The following LMNTD1 variants were observed in gnomAD, a reference collection of about 807,000 sequenced individuals.
LMNTD1 encodes lamin tail domain containing 1.
In LMNTD1, 35 loss-of-function variants were observed where a neutral mutation model predicts 50.9. That is an observed-to-expected ratio of 0.69 (90% CI 0.53 to 0.91). LMNTD1 has a LOEUF of 0.91. Ranked by LOEUF, LMNTD1 falls within the 40% of genes least tolerant of loss-of-function variation. The pLI, the probability that LMNTD1 is intolerant of heterozygous loss-of-function variation, is 0.00. For synonymous variants in LMNTD1, 153 were observed against 161.9 expected (o/e 0.94, Z 0.42); for missense variants, 470 against 475.5 (o/e 0.99, Z 0.11).
chr12:25,493,334 G>C (rs1230168016), intron 9 of LMNTD1, among the ~76,000 whole-genome samples: 1 of 152,158 alleles, frequency 6.6e-6, no homozygotes, highest in Non-Finnish European at 1.5e-5. Context: ...GCCCTTCACA[G>C]TATATCTCCA....
chr12:25,648,521 C>G (rs769837008), exon 1 of LMNTD1: 1 of 1,551,572 alleles, frequency 6.4e-7, no homozygotes, highest in Non-Finnish European at 8.7e-7. Context: ...CTGGAAACAC[C>G]GATGTCTCCT....
chr12:25,587,320 T>C (rs2136452715), intron 1 of LMNTD1, among the ~76,000 whole-genome samples: 1 of 152,350 alleles, frequency 6.6e-6, no homozygotes, highest in East Asian at 1.9e-4. Context: ...AGAGGTCTAA[T>C]TGGCTCACTG....
intron 8 of LMNTD1, among the ~76,000 whole-genome samples, chr12:25,505,167 A>G (rs962266555): frequency 2.6e-5 from 4 of 151,298 alleles, no homozygotes; most frequent in Non-Finnish European, 5.9e-5. Context: ...GTCTGTTTCC[A>G]TGTCAGTGGG....
At chr12:25,579,553 T>C (rs1222281850) in intron 1 of LMNTD1, among the ~76,000 whole-genome samples, 1 of 152,176 alleles carries the variant, frequency 6.6e-6, no homozygotes, top group African/African-American at 2.4e-5. Flanking sequence ...TTATCTATAA[T>C]AATACTAATT....
chr12:25,578,869 A>G (rs950321224), intron 1 of LMNTD1, among the ~76,000 whole-genome samples: 18 of 152,230 alleles, frequency 1.2e-4, no homozygotes, highest in Non-Finnish European at 2.2e-4. Context: ...ATTAAGTTTT[A>G]AAATACATGT....
intron 9 of LMNTD1, among the ~76,000 whole-genome samples, chr12:25,484,289 G>C (rs1166396260): frequency 1.3e-5 from 2 of 151,858 alleles, no homozygotes; most frequent in East Asian, 1.9e-4. Flanking sequence ...TTAAGAGACA[G>C]GGTCTCTCTA....
intron 1 of LMNTD1, among the ~76,000 whole-genome samples, chr12:25,607,273 C>G (rs1055802326): frequency 6.6e-5 from 10 of 152,168 alleles, no homozygotes; most frequent in African/African-American, 2.4e-4. Flanking sequence ...TTGATCTTTT[C>G]AAAAAACCAG....
chr12:25,610,709 G>C (rs895196530), intron 1 of LMNTD1, among the ~76,000 whole-genome samples: 4 of 152,178 alleles, frequency 2.6e-5, no homozygotes, highest in Non-Finnish European at 5.9e-5. Context: ...GAGTAAAGGA[G>C]ACAACATGGG....
chr12:25,492,463 G>A (rs918215681), intron 9 of LMNTD1, among the ~76,000 whole-genome samples: 1 of 152,152 alleles, frequency 6.6e-6, no homozygotes, highest in African/African-American at 2.4e-5. Flanking sequence ...AACTTGTCAC[G>A]AATATTTTAT....
intron 4 of LMNTD1, among the ~76,000 whole-genome samples, chr12:25,530,273 T>C (rs1019709521): frequency 6.6e-6 from 1 of 152,216 alleles, no homozygotes; most frequent in Non-Finnish European, 1.5e-5. Context: ...AAATACTTCA[T>C]CTATAATGTT....
At chr12:25,625,680 A>G (rs1190601183) in intron 1 of LMNTD1, among the ~76,000 whole-genome samples, 2 of 152,088 alleles carry the variant, frequency 1.3e-5, no homozygotes, top group Admixed American at 1.3e-4. Context: ...GTCATCATCT[A>G]AGTAGAGGAC....
rs540275671 is a variant in LMNTD1, at chr12:25,484,265, G to GT, written c.*23-7806dup. On this transcript the variant is annotated intron_variant, in intron 9 of 9. Transcript: ENST00000458174. ...GCTTCTTGAAGCATTGTTGTTTTTC[G>GT]TTTTTTTGTTGTTTTAAGAGACAGG... Among the ~76,000 whole-genome samples, 239 of 151,744 alleles carry GT rather than the reference G, an allele frequency of 1.6e-3. 1 individual carries two copies. The highest frequency in any genetic ancestry group is 2.4e-3 in the Non-Finnish European group (160 of 67,956).
chr12:25,583,111 T>C (rs1298317077), intron 1 of LMNTD1, among the ~76,000 whole-genome samples: 1 of 150,782 alleles, frequency 6.6e-6, no homozygotes, highest in Non-Finnish European at 1.5e-5. Flanking sequence ...AAGCTCTACC[T>C]CCCGGGTTCA....
At chr12:25,599,576 T>C (rs1170100963) in intron 1 of LMNTD1, among the ~76,000 whole-genome samples, 1 of 152,002 alleles carries the variant, frequency 6.6e-6, no homozygotes, top group Non-Finnish European at 1.5e-5. Flanking sequence ...AAAAAACTAT[T>C]AGAACTGCTA....
chr12:25,488,104 G>A (rs370010219), intron 9 of LMNTD1, among the ~76,000 whole-genome samples: 3 of 147,482 alleles, frequency 2.0e-5, no homozygotes, highest in African/African-American at 7.5e-5. Flanking sequence ...TCTGACAATT[G>A]TGTGTCTTGG....
At chr12:25,577,894 A>G (rs549220093) in intron 1 of LMNTD1, among the ~76,000 whole-genome samples, 27 of 152,168 alleles carry the variant, frequency 1.8e-4, no homozygotes, top group Admixed American at 7.9e-4. Flanking sequence ...TCCCTGTCCT[A>G]TCATGCCCAT....
At position 25,578,083 on chromosome 12, in the gene LMNTD1, C is replaced by A. The variant is rs1432899165; in HGVS notation, c.59-31529G>T. Among the ~76,000 whole-genome samples the A allele has an allele frequency of 2.6e-5, 4 of 152,260 alleles. No individual in the cohort carries two copies. In the East Asian group the frequency reaches 5.8e-4, roughly 22 times the overall value. On this transcript the variant is annotated intron_variant, in intron 1 of 7. Transcript: ENST00000445693. ...TTCTCCTTTCTCCCATTTTGCAGAA[C>A]ACAACAGGAAGCAGCTCATTCATCT...
At chr12:25,596,230 C>G (rs763034096) in intron 1 of LMNTD1, among the ~76,000 whole-genome samples, 68 of 152,006 alleles carry the variant, frequency 4.5e-4, no homozygotes, top group Non-Finnish European at 8.7e-4. Flanking sequence ...TTCTATGAAG[C>G]AGTATCACCC....
chr12:25,644,264 C>T (rs1592133489), intron 1 of LMNTD1, among the ~76,000 whole-genome samples: 1 of 135,500 alleles, frequency 7.4e-6, no homozygotes, highest in East Asian at 2.1e-4. Context: ...TCACTTGAGC[C>T]CAGGAGTTCA....
Sources: gnomAD v4.1 joint callset for allele counts (sites outside exome capture counted in the v4.1 genomes callset) on GRCh38, gnomAD v4.1.1 for gene constraint, MANE v1.5 for transcripts, NCBI Gene and HGNC (gene_info 2026-07-23, HGNC 2026-07-21) for gene names.